The following PRH1 variants were observed in gnomAD, a reference collection of about 807,000 sequenced individuals.
PRH1 encodes proline rich protein HaeIII subfamily 1, also known as salivary acidic proline-rich phosphoprotein 1/2.
A neutral mutation model predicts 7.9 loss-of-function variants in PRH1; 7 were observed. The observed-to-expected ratio is 0.89, with a 90% CI of 0.50 to 1.67. PRH1 has a LOEUF of 1.67. Among genes scored for constraint, PRH1 ranks in the 40% most tolerant of loss-of-function variants. The pLI is 0.00. For missense variants in PRH1, 109 were observed against 223.6 expected (o/e 0.49, Z 3.27); for synonymous variants, 45 against 80.8 (o/e 0.56, Z 2.38).
At chr12:10,980,559 T>A (rs535479535) in intron 1 of PRH1, among the ~76,000 whole-genome samples, 2 of 152,066 alleles carry the variant, frequency 1.3e-5, no homozygotes, top group South Asian at 4.2e-4. Context: ...TAAATAGATG[T>A]ACATAAATAA....
chr12:10,938,507 A>C (rs1446893641), intron 2 of PRH1: 2 of 1,614,048 alleles, frequency 1.2e-6, no homozygotes, highest in South Asian at 2.2e-5. Context: ...GAAGAAAGTG[A>C]TCACACTTTT....
At chr12:11,145,139 T>G (rs961439010) in intron 1 of PRH1, among the ~76,000 whole-genome samples, 2 of 152,184 alleles carry the variant, frequency 1.3e-5, no homozygotes, top group African/African-American at 4.8e-5. Context: ...TCTGTAGTGT[T>G]TATTGTTCCA....
intron 1 of PRH1, among the ~76,000 whole-genome samples, chr12:10,977,754 A>C (rs1939170244): frequency 6.6e-6 from 1 of 152,196 alleles, no homozygotes; most frequent in Non-Finnish European, 1.5e-5. Flanking sequence ...TAACATTCCT[A>C]TATATCAACA....
In PRH1 at chr12:10,904,466, G is replaced by C. The variant is rs928879247; in HGVS notation, c.-58-20191C>G. ...TCAGTAAATGGTGCTGGGATATCTGGCTAGCCATAAGCAAAATAATTAAAC... is the reference window on the plus strand; with the variant it reads ...TCAGTAAATGGTGCTGGGATATCTGCCTAGCCATAAGCAAAATAATTAAAC... On this transcript the variant is annotated intron_variant, in intron 2 of 3. Transcript: ENST00000539853. Among the ~76,000 whole-genome samples, 3 of 152,144 alleles carry C rather than the reference G, an allele frequency of 2.0e-5. No individual in the cohort carries two copies. In the East Asian group the frequency reaches 5.8e-4, roughly 29 times the overall value.
At chr12:11,044,532 A>C (rs566970048) in intron 1 of PRH1, among the ~76,000 whole-genome samples, 5 of 152,284 alleles carry the variant, frequency 3.3e-5, no homozygotes, top group Non-Finnish European at 7.4e-5. Context: ...AAATATTTGC[A>C]AACTACTCAT....
At chr12:10,982,277 C>T (rs1939392651) in intron 1 of PRH1, among the ~76,000 whole-genome samples, 1 of 152,170 alleles carries the variant, frequency 6.6e-6, no homozygotes, top group South Asian at 2.1e-4. Context: ...TGGTCGCTGC[C>T]ACAACAAAAA....
intron 2 of PRH1, among the ~76,000 whole-genome samples, chr12:10,936,896 C>A (rs568062968): frequency 6.6e-6 from 1 of 152,188 alleles, no homozygotes; most frequent in Non-Finnish European, 1.5e-5. Context: ...CTTTCTGAAG[C>A]AGATTGGTTA....
chr12:11,141,788 G>T (rs1346783714), intron 1 of PRH1, among the ~76,000 whole-genome samples: 2 of 151,972 alleles, frequency 1.3e-5, no homozygotes, highest in African/African-American at 4.8e-5. Flanking sequence ...GAACTTCCTT[G>T]TTTTGGGTGG....
chr12:11,143,072 G>C (rs551599955), intron 1 of PRH1, among the ~76,000 whole-genome samples: 1 of 152,154 alleles, frequency 6.6e-6, no homozygotes, highest in African/African-American at 2.4e-5. Context: ...TGTAAATGTG[G>C]TGTGTAAACC....
chr12:11,066,891 A>G (rs1943844465), intron 1 of PRH1, among the ~76,000 whole-genome samples: 1 of 151,490 alleles, frequency 6.6e-6, no homozygotes, highest in Non-Finnish European at 1.5e-5. Flanking sequence ...TTTTTCTTTT[A>G]CTACATTTTA....
chr12:11,038,148 A>T (rs1250417993), intron 1 of PRH1, among the ~76,000 whole-genome samples: 1 of 152,266 alleles, frequency 6.6e-6, no homozygotes, highest in Non-Finnish European at 1.5e-5. Flanking sequence ...TATCTATGAG[A>T]ATATGCTGTA....
intron 1 of PRH1, among the ~76,000 whole-genome samples, chr12:11,038,363 T>C (rs763472676): frequency 1.4e-4 from 21 of 152,248 alleles, no homozygotes; most frequent in Non-Finnish European, 2.5e-4. Flanking sequence ...TATGTCTTCT[T>C]GCTGACATTT....
At chr12:10,999,261 A>G (rs564097369) in intron 1 of PRH1, among the ~76,000 whole-genome samples, 1 of 152,272 alleles carries the variant, frequency 6.6e-6, no homozygotes, top group East Asian at 1.9e-4. Flanking sequence ...GAGCCAAAGG[A>G]AAAATAGGTT....
At chr12:10,981,026 G>A (rs1939326463) in intron 1 of PRH1, among the ~76,000 whole-genome samples, 1 of 152,118 alleles carries the variant, frequency 6.6e-6, no homozygotes, top group African/African-American at 2.4e-5. Flanking sequence ...AGTTGAAAAA[G>A]CTGATTCCTG....
chr12:11,162,464 T>C lies in PRH1; in HGVS notation n.39+8958A>G, dbSNP rs531643422. Among the ~76,000 whole-genome samples the C allele has an allele frequency of 2.6e-5, 4 of 152,316 alleles. No individual in the cohort carries two copies. The South Asian group carries it at 8.3e-4, about 32-fold the overall frequency. On this transcript the variant is annotated intron_variant and non_coding_transcript_variant, in intron 1 of 1. Transcript: ENST00000541175. ...GACCATGAGGGACTACATTTGGAAG[T>C]GGTAAACAGAACTGTCTATCACTCA...
At chr12:10,951,966 G>A (rs1937693558) in intron 2 of PRH1, among the ~76,000 whole-genome samples, 1 of 152,152 alleles carries the variant, frequency 6.6e-6, no homozygotes, top group Admixed American at 6.5e-5. Context: ...CCAGTTCTCT[G>A]CTTCATATAG....
chr12:11,064,231 G>A (rs1288337800), intron 1 of PRH1, among the ~76,000 whole-genome samples: 1 of 152,156 alleles, frequency 6.6e-6, no homozygotes, highest in South Asian at 2.1e-4. Context: ...AAACTCCATC[G>A]CTTGGTCTGG....
intron 2 of PRH1, among the ~76,000 whole-genome samples, chr12:10,936,774 C>T (rs1425873007): frequency 6.6e-6 from 1 of 152,080 alleles, no homozygotes; most frequent in Non-Finnish European, 1.5e-5. Flanking sequence ...ACTGTATGGC[C>T]TAATTTAACC....
downstream of PRH1, among the ~76,000 whole-genome samples, chr12:11,116,470 C>G (rs1374773945): frequency 6.6e-6 from 1 of 152,026 alleles, no homozygotes; most frequent in African/African-American, 2.4e-5. Flanking sequence ...GAGCAGATGG[C>G]TTTAGAGCTG....
Sources: gnomAD v4.1 joint callset for allele counts (sites outside exome capture counted in the v4.1 genomes callset) on GRCh38, gnomAD v4.1.1 for gene constraint, MANE v1.5 for transcripts, NCBI Gene and HGNC (gene_info 2026-07-23, HGNC 2026-07-21) for gene names.